NR5A2: variants seen among roughly 807,000 people sequenced by gnomAD.
NR5A2 encodes the protein nuclear receptor subfamily 5 group A member 2, also known as CYP7A promoter-binding factor.
NR5A2 carries 26 observed loss-of-function variants against 62.7 expected under a neutral mutation model. The observed-to-expected ratio is 0.41, with a 90% confidence interval of 0.30 to 0.58. The LOEUF (loss-of-function observed/expected upper bound fraction) is 0.58. Among genes scored for constraint, NR5A2 ranks in the 20% least tolerant of loss-of-function variants. The pLI, the probability that NR5A2 is intolerant of heterozygous loss-of-function variation, is 0.22. For missense variants in NR5A2, 541 were observed against 669.1 expected (o/e 0.81, Z 2.11); for synonymous variants, 246 against 241.7 (o/e 1.02, Z -0.16).
intron 5 of NR5A2, among the ~76,000 whole-genome samples, chr1:200,069,534 G>A (rs1341134223): frequency 2.6e-5 from 4 of 152,228 alleles, no homozygotes; most frequent in Non-Finnish European, 5.9e-5. Context: ...GATTACAGGC[G>A]TGAGCCACCA....
At position 200,048,073 on chromosome 1, in the gene NR5A2, C is replaced by T. The variant is rs1475523530; in HGVS notation, c.464-99C>T. 1.3e-5 allele frequency: 15 copies of T among 1,148,480 alleles called. No homozygotes were observed. Among genetic ancestry groups the T allele is most frequent in the Middle Eastern group, 3.0e-4 (1 of 3,322 alleles). 71.1% of individuals were successfully genotyped at this position (1,148,480 alleles called of 1,614,324 possible). A position where few individuals can be genotyped will look rare whatever the true frequency, so the allele number is the denominator to read the frequency against. On this transcript the variant is annotated intron_variant, in intron 4 of 7. Transcript: ENST00000367362. This position sits in a 1 kb window ranked among gnomAD's most constrained non-coding sequence, Gnocchi z 4.8. ...GTAACGAAAACAACCACACACATAC[C>T]ACTTCTTGTCGATTTACATTTCTAA...
At chr1:200,145,665 T>C (rs1259701829) in intron 7 of NR5A2, among the ~76,000 whole-genome samples, 1 of 152,162 alleles carries the variant, frequency 6.6e-6, no homozygotes, top group African/African-American at 2.4e-5. Context: ...CTTGCTCTGT[T>C]GTCCAGGCTG....
chr1:200,156,102 G>C (rs1301142577), intron 7 of NR5A2, among the ~76,000 whole-genome samples: 1 of 152,200 alleles, frequency 6.6e-6, no homozygotes, highest in Non-Finnish European at 1.5e-5. Context: ...TATATTTACT[G>C]AGCCACCATG....
intron 5 of NR5A2, among the ~76,000 whole-genome samples, chr1:200,104,624 T>C (rs1665555899): frequency 6.6e-6 from 1 of 152,210 alleles, no homozygotes; most frequent in Non-Finnish European, 1.5e-5. Context: ...ACTTAATTTG[T>C]AATGATTCTG....
At chr1:200,154,620 G>A (rs1475514897) in intron 7 of NR5A2, among the ~76,000 whole-genome samples, 1 of 152,232 alleles carries the variant, frequency 6.6e-6, no homozygotes, top group Non-Finnish European at 1.5e-5. Context: ...TGCAGAGGCT[G>A]AGGCAGGAGG....
intron 1 of NR5A2, among the ~76,000 whole-genome samples, chr1:200,035,133 C>A (rs999476275): frequency 6.6e-6 from 1 of 152,114 alleles, no homozygotes; most frequent in Admixed American, 6.5e-5. Context: ...CTCCTCTTCC[C>A]CCTCGGGCTA....
At chr1:200,131,324 A>G (rs1356130257) in intron 7 of NR5A2, among the ~76,000 whole-genome samples, 1 of 152,202 alleles carries the variant, frequency 6.6e-6, no homozygotes, top group Non-Finnish European at 1.5e-5. Context: ...AATCAATATG[A>G]ACTTACAGCC....
Position 200,175,756 on chromosome 1 carries a change from G to A in NR5A2, c.*1546G>A, listed in dbSNP as rs563444273. ...TAACAGTACTTAATTATTCTATGTC[G>A]TGAGACACTAAAATCAAAAACGGGA... is the stretch of plus-strand genomic sequence containing the variant. On this transcript the variant is annotated 3_prime_UTR_variant, in exon 8 of 8. Coordinates refer to ENST00000367362, the MANE Select transcript of NR5A2 (RefSeq NM_205860.3). 2.6e-5 allele frequency: 4 copies of A among 152,488 alleles called. No individual in the cohort carries two copies. Among genetic ancestry groups the A allele is most frequent in the Non-Finnish European group, 4.4e-5 (3 of 67,998 alleles). The allele number at this position is 152,488 out of a possible 1,614,324, so 9.4% of individuals were successfully genotyped here.
chr1:200,061,600 C>G (rs1034440804), intron 5 of NR5A2, among the ~76,000 whole-genome samples: 8 of 152,146 alleles, frequency 5.3e-5, no homozygotes, highest in African/African-American at 1.9e-4. Context: ...TACAACCAAA[C>G]TTGATCCAAC....
chr1:200,037,709 C>A (rs144120759), intron 1 of NR5A2, among the ~76,000 whole-genome samples: 155 of 152,266 alleles, frequency 1.0e-3, no homozygotes, highest in Middle Eastern at 6.8e-3. Context: ...AATGGACAGG[C>A]CTTCATAAGT....
At chr1:200,156,648 C>T (rs557381078) in intron 7 of NR5A2, among the ~76,000 whole-genome samples, 3 of 152,148 alleles carry the variant, frequency 2.0e-5, no homozygotes, top group Non-Finnish European at 4.4e-5. Context: ...CCACCCGCCT[C>T]GGCCTCCCAA....
At chr1:200,052,785 G>A (rs1662703180) in intron 5 of NR5A2, among the ~76,000 whole-genome samples, 1 of 151,604 alleles carries the variant, frequency 6.6e-6, no homozygotes, top group Non-Finnish European at 1.5e-5. Flanking sequence ...GGGACTACAG[G>A]TGCCTGCCAC....
intron 7 of NR5A2, among the ~76,000 whole-genome samples, chr1:200,136,428 G>A (rs1667227150): frequency 6.6e-6 from 1 of 152,164 alleles, no homozygotes; most frequent in Admixed American, 6.5e-5. Flanking sequence ...GATTATAATA[G>A]CTACATCTTA....
intron 7 of NR5A2, among the ~76,000 whole-genome samples, chr1:200,162,272 A>C (rs917540551): frequency 1.3e-5 from 2 of 152,214 alleles, no homozygotes; most frequent in Non-Finnish European, 2.9e-5. Flanking sequence ...CTGTAGACTC[A>C]CAGCAGAGAG....
chr1:200,034,476 G>T (rs1019891939), intron 1 of NR5A2, among the ~76,000 whole-genome samples: 9 of 152,006 alleles, frequency 5.9e-5, no homozygotes, highest in Non-Finnish European at 1.3e-4. Context: ...GTGCTGTAAA[G>T]AAAATAAGTG....
chr1:200,046,324 CTGCTGTAAATAATTTG>C (rs1662361408), intron 4 of NR5A2, among the ~76,000 whole-genome samples: 1 of 152,186 alleles, frequency 6.6e-6, no homozygotes, highest in South Asian at 2.1e-4. Context: ...TAATATGTGA[CTGCTGTAAATAATTTG>C]TAGTTCATGG....
chr1:200,165,328 G>A (rs577546271), intron 7 of NR5A2, among the ~76,000 whole-genome samples: 1 of 152,248 alleles, frequency 6.6e-6, no homozygotes, highest in African/African-American at 2.4e-5. Flanking sequence ...TACAATGAAT[G>A]CCGCTACATT....
chr1:200,035,224 T>C (rs1401662060), intron 1 of NR5A2, among the ~76,000 whole-genome samples: 2 of 151,986 alleles, frequency 1.3e-5, no homozygotes, highest in East Asian at 3.9e-4. Context: ...ACGAAAAAAG[T>C]AATTGTCCTG....
At chr1:200,118,174 GC>G (rs1324816144) in intron 6 of NR5A2, among the ~76,000 whole-genome samples, 1 of 149,578 alleles carries the variant, frequency 6.7e-6, no homozygotes, top group Non-Finnish European at 1.5e-5. Flanking sequence ...GTACCACCAC[GC>G]CCAGCTAATT....
Sources: allele counts gnomAD v4.1 joint callset (sites outside exome capture counted in the v4.1 genomes callset), GRCh38; gene constraint gnomAD v4.1.1; non-coding constraint Gnocchi (gnomAD v3.1); transcripts MANE v1.5; gene names NCBI Gene and HGNC (gene_info 2026-07-23, HGNC 2026-07-21).